COL23A1: variants seen among roughly 807,000 people sequenced by gnomAD.
The protein encoded by COL23A1 is collagen type XXIII alpha 1 chain, also known as collagen alpha-1(XXIII) chain.
COL23A1 carries 97 observed loss-of-function variants against 99.3 expected under a neutral mutation model. The observed-to-expected ratio is 0.98, with a 90% CI of 0.83 to 1.16. The LOEUF is 1.16. Ranked by LOEUF, COL23A1 falls within the 50% of genes most tolerant of loss-of-function variation. The pLI is 0.00. For synonymous variants in COL23A1, 320 were observed against 308.2 expected (o/e 1.04, Z -0.40); for missense variants, 762 against 757.4 (o/e 1.01, Z -0.07).
intron 2 of COL23A1, among the ~76,000 whole-genome samples, chr5:178,523,201 T>TATATATATATATAGAGAGAGAGAG (rs1223542330): frequency 1.3e-5 from 1 of 77,632 alleles, no homozygotes; most frequent in Non-Finnish European, 2.5e-5. Context: ...TATATATATA[T>TATATATATATATAGAGAGAGAGAG]AGAGAGAGAG....
chr5:178,372,447 T>C (rs1181489826), intron 2 of COL23A1, among the ~76,000 whole-genome samples: 1 of 152,154 alleles, frequency 6.6e-6, no homozygotes, highest in Non-Finnish European at 1.5e-5. Flanking sequence ...GGACAGACGA[T>C]GCCAAAGGGA....
chr5:178,453,882 A>G (rs1258430791), intron 2 of COL23A1, among the ~76,000 whole-genome samples: 1 of 152,202 alleles, frequency 6.6e-6, no homozygotes, highest in African/African-American at 2.4e-5. Flanking sequence ...GCCAGACCAG[A>G]GATATTAACA....
intron 2 of COL23A1, among the ~76,000 whole-genome samples, chr5:178,321,811 T>C (rs995759958): frequency 1.1e-4 from 16 of 151,332 alleles, no homozygotes; most frequent in South Asian, 8.4e-4. Context: ...TTTTTAAGGC[T>C]GAATCATACT....
chr5:178,535,814 G>C (rs644350), intron 2 of COL23A1, among the ~76,000 whole-genome samples: 76,775 of 152,300 alleles, frequency 0.5, 19,785 homozygotes, highest in Non-Finnish European at 0.57. Flanking sequence ...GGAGAGGGCT[G>C]TGAGAGGGTG....
At chr5:178,344,240 A>T (rs1760835717) in intron 2 of COL23A1, among the ~76,000 whole-genome samples, 1 of 152,326 alleles carries the variant, frequency 6.6e-6, no homozygotes, top group South Asian at 2.1e-4. Flanking sequence ...GCTTACACAC[A>T]TCTTCAAATT....
intron 2 of COL23A1, among the ~76,000 whole-genome samples, chr5:178,433,482 G>A (rs1766377479): frequency 1.3e-5 from 2 of 152,146 alleles, no homozygotes; most frequent in Non-Finnish European, 2.9e-5. Context: ...TTTTTATGGA[G>A]GCTTTACTAC....
chr5:178,390,210 T>C (rs1302697454), intron 2 of COL23A1, among the ~76,000 whole-genome samples: 1 of 152,136 alleles, frequency 6.6e-6, no homozygotes, highest in East Asian at 1.9e-4. Context: ...TCATTTACTA[T>C]CCAAACCAAG....
At chr5:178,416,151 G>A (rs1051245142) in intron 2 of COL23A1, among the ~76,000 whole-genome samples, 4 of 152,176 alleles carry the variant, frequency 2.6e-5, no homozygotes, top group Non-Finnish European at 5.9e-5. Flanking sequence ...ACTGTTGCCA[G>A]GGACCCAATA....
In COL23A1 at chr5:178,544,773, C is replaced by T. The variant is rs972551357; in HGVS notation, c.361+15909G>A. 1.3e-4 allele frequency among the ~76,000 whole-genome samples: 20 copies of T among 152,108 alleles called. No homozygotes were observed. The highest frequency in any genetic ancestry group is 4.3e-4 in the African/African-American group (18 of 41,426). Reference sequence around the variant, plus strand: ...CTGCCCCCGTGCCACTGGGGTAGTACGTTCGGGCCAGACGTGGTGGCTCAT... The same window carrying T: ...CTGCCCCCGTGCCACTGGGGTAGTATGTTCGGGCCAGACGTGGTGGCTCAT... On this transcript the variant is annotated intron_variant, in intron 2 of 28. Transcript: ENST00000390654. The surrounding 1 kb of genome is among the most constrained non-coding windows in gnomAD (Gnocchi z 4.4).
intron 1 of COL23A1, among the ~76,000 whole-genome samples, chr5:178,569,306 C>T (rs749673716): frequency 1.7e-4 from 26 of 152,152 alleles, no homozygotes; most frequent in Non-Finnish European, 3.4e-4. Context: ...AGACCCTAAT[C>T]AGATATAGGA....
At chr5:178,509,748 G>T (rs945428531) in intron 2 of COL23A1, among the ~76,000 whole-genome samples, 1 of 152,212 alleles carries the variant, frequency 6.6e-6, no homozygotes, top group African/African-American at 2.4e-5. Flanking sequence ...CAAGTGTGAA[G>T]CTTCCTCCGA....
chr5:178,248,574 G>A (rs1195799161), intron 19 of COL23A1, among the ~76,000 whole-genome samples: 2 of 152,178 alleles, frequency 1.3e-5, no homozygotes. Context: ...GACACTGGAA[G>A]TGTCCCAGTG....
intron 2 of COL23A1, among the ~76,000 whole-genome samples, chr5:178,417,770 G>A (rs762766635): frequency 6.6e-5 from 10 of 152,182 alleles, no homozygotes; most frequent in Admixed American, 6.5e-4. Flanking sequence ...AACACATGTG[G>A]CTTGTCTCCA....
rs541265160 is a variant in COL23A1 at position 178,377,455 on chromosome 5, G to A, written c.362-70536C>T. Among the ~76,000 whole-genome samples the A allele has an allele frequency of 5.3e-5, 8 of 152,270 alleles. No individual in the cohort carries two copies. The South Asian group carries it at 1.2e-3, about 24-fold the overall frequency. ...CCCAAGGCATTCGGCAGTCAGTCCCGACATGGGTCTACCCAAACTCACTAG... is the reference window on the plus strand; with the variant it reads ...CCCAAGGCATTCGGCAGTCAGTCCCAACATGGGTCTACCCAAACTCACTAG... On this transcript the variant is annotated intron_variant, in intron 2 of 28. Coordinates refer to ENST00000390654, the MANE Select transcript of COL23A1 (RefSeq NM_173465.4).
Position 178,434,270 on chromosome 5 carries a change from C to T in COL23A1, c.361+126412G>A, listed in dbSNP as rs1766426414. On this transcript the variant is annotated intron_variant, in intron 2 of 28. Coordinates refer to ENST00000390654, the MANE Select transcript of COL23A1 (RefSeq NM_173465.4). This position sits in a 1 kb window ranked among gnomAD's most constrained non-coding sequence, Gnocchi z 4.3. ...TGGGTCAGTGGCAGGCTGGGCTTTT[C>T]TGCTGGCCTCTGCAGCCTTCTTGGG... Among the ~76,000 whole-genome samples, 1 of 152,230 alleles carries T rather than the reference C, an allele frequency of 6.6e-6. No homozygotes were observed.
intron 8 of COL23A1, 131 bp downstream of exon 8, chr5:178,267,176 G>T (rs993660069): frequency 2.1e-5 from 21 of 992,558 alleles, no homozygotes; most frequent in Middle Eastern, 3.0e-4. Flanking sequence ...CTATGGGTGG[G>T]GAAGAGCCCT....
chr5:178,519,845 G>A (rs1759839844), intron 2 of COL23A1, among the ~76,000 whole-genome samples: 1 of 152,234 alleles, frequency 6.6e-6, no homozygotes, highest in Admixed American at 6.5e-5. Flanking sequence ...AGGATGGTCA[G>A]ATGGATAGAG....
At chr5:178,424,327 C>T (rs1369128155) in intron 2 of COL23A1, among the ~76,000 whole-genome samples, 12 of 152,218 alleles carry the variant, frequency 7.9e-5, no homozygotes, top group Admixed American at 5.2e-4. Context: ...CATGGAATGT[C>T]GTGTGAATGT....
At chr5:178,577,422 G>A (rs1763431940) in intron 1 of COL23A1, among the ~76,000 whole-genome samples, 1 of 152,346 alleles carries the variant, frequency 6.6e-6, no homozygotes, top group African/African-American at 2.4e-5. Context: ...TGAGGACTTC[G>A]CCACGGGAAG....
Sources: gnomAD v4.1 joint callset for allele counts (sites outside exome capture counted in the v4.1 genomes callset) on GRCh38, gnomAD v4.1.1 for gene constraint, Gnocchi (gnomAD v3.1) non-coding constraint, MANE v1.5 for transcripts, NCBI Gene and HGNC (gene_info 2026-07-23, HGNC 2026-07-21) for gene names.